Variants in TENT4B observed in about 807,000 individuals in gnomAD.
TENT4B encodes the protein PAP associated domain containing 5.
In TENT4B, 10 loss-of-function variants were observed where a neutral mutation model predicts 75.0. That is an observed-to-expected ratio of 0.13 (90% CI 0.08 to 0.23). The LOEUF (loss-of-function observed/expected upper bound fraction) is 0.23, where lower values mean the gene tolerates loss of function less well. TENT4B is among the 10% of genes least tolerant of loss of function. The pLI is 1.00. For synonymous variants in TENT4B, 350 were observed against 357.7 expected (o/e 0.98, Z 0.24); for missense variants, 579 against 893.8 (o/e 0.65, Z 4.49).
intron 1 of TENT4B, among the ~76,000 whole-genome samples, chr16:50,205,558 C>CTTTTTT (rs535651074): frequency 2.3e-5 from 1 of 43,966 alleles, no homozygotes; most frequent in African/African-American, 9.1e-5. Context: ...GTTTACATGT[C>CTTTTTT]TTTTTTTTTT....
Position 50,229,166 on chromosome 16 carries a change from G to C in TENT4B, c.1980G>C (p.Arg660Ser), listed in dbSNP as rs1266176305. Residue 660 changes from arginine (R) to serine (S), a missense_variant, in exon 12 of 12, where the codon AGG becomes AGC. Coordinates refer to ENST00000561678, the MANE Select transcript of TENT4B (RefSeq NM_001365324.3). Reference protein sequence around the residue: ...STNKSQHGSARLFRSSSKGFQ... With the variant: ...STNKSQHGSASLFRSSSKGFQ... The stretch of plus-strand genomic sequence containing the variant: ...TGTTTCTGCAGCATGGATCAGCAAG[G>C]CTCTTTCGTTCTTCCAGCAAAGGCT... 3 of 1,613,590 alleles carry C rather than the reference G, an allele frequency of 1.9e-6. No individual in the cohort carries two copies. Among genetic ancestry groups the C allele is most frequent in the South Asian group, 1.1e-5 (1 of 90,982 alleles).
At chr16:50,208,277 G>A (rs564507064) in intron 1 of TENT4B, among the ~76,000 whole-genome samples, 19 of 152,340 alleles carry the variant, frequency 1.2e-4, no homozygotes, top group African/African-American at 4.6e-4. Flanking sequence ...GCTATTGATT[G>A]TTGAGGGTAG....
intron 5 of TENT4B, among the ~76,000 whole-genome samples, chr16:50,222,013 C>G (rs1426522836): frequency 6.6e-6 from 1 of 152,154 alleles, no homozygotes; most frequent in Non-Finnish European, 1.5e-5. Flanking sequence ...GATCTGCCCG[C>G]CTTGGTCTCC....
At chr16:50,180,781 T>A (rs2150695437) in intron 1 of TENT4B, among the ~76,000 whole-genome samples, 1 of 151,992 alleles carries the variant, frequency 6.6e-6, no homozygotes, top group East Asian at 1.9e-4. Context: ...AACTATAGGT[T>A]CCCAAACCTG....
At chr16:50,159,536 G>A (rs1010906469) in intron 1 of TENT4B, among the ~76,000 whole-genome samples, 12 of 152,056 alleles carry the variant, frequency 7.9e-5, no homozygotes, top group African/African-American at 2.4e-4. Flanking sequence ...CACCGCGCCC[G>A]GCCTCTCTCT....
rs1017225960 is a variant in TENT4B at position 50,229,634 on chromosome 16, T to C, written c.*306T>C. 2 of 1,071,016 alleles carry C rather than the reference T, an allele frequency of 1.9e-6. No homozygotes were observed. The highest frequency in any genetic ancestry group is 3.3e-5 in the African/African-American group (2 of 59,904). 66.3% of individuals were successfully genotyped at this position (1,071,016 alleles called of 1,614,324 possible). On this transcript the variant is annotated 3_prime_UTR_variant, in exon 12 of 12. Coordinates refer to ENST00000561678, the MANE Select transcript of TENT4B (RefSeq NM_001365324.3). ...GAATGTAAAATAAATATATTTCTCA[T>C]TGGCTTTATGCAGAGTTATAGGGAA...
chr16:50,154,177 G>A lies in TENT4B; in HGVS notation c.556G>A (p.Gly186Arg), dbSNP rs2037842184. Residue 186 changes from glycine to arginine, a missense_variant, in exon 1 of 12, where the codon GGG becomes AGG. This residue lies in a region of TENT4B where 253 missense variants were observed against 270.1 expected (regional missense o/e 0.94). Coordinates refer to ENST00000561678, the MANE Select transcript of TENT4B (RefSeq NM_001365324.3). The stretch of plus-strand genomic sequence containing the variant: ...GCAGCCCAGCGGAGGGCGGGCCGCG[G>A]GGGGCGGCCGAGCAGACGGCGGCGG... Reference protein sequence around the residue: ...LLQPSGGRAAGGGRADGGGVV... With the variant: ...LLQPSGGRAARGGRADGGGVV... 6.6e-7 allele frequency: 1 copy of A among 1,509,802 alleles called. No homozygotes were observed. The highest frequency in any genetic ancestry group is 2.2e-5 in the Admixed American group (1 of 45,694). The allele number at this position is 1,509,802 out of a possible 1,614,324, so 93.5% of individuals were successfully genotyped here. A position where few individuals can be genotyped will look rare whatever the true frequency, so the allele number is the denominator to read the frequency against.
At chr16:50,164,063 A>G (rs1213297991) in intron 1 of TENT4B, among the ~76,000 whole-genome samples, 1 of 152,030 alleles carries the variant, frequency 6.6e-6, no homozygotes, top group South Asian at 2.1e-4. Context: ...AGGCTGAGGC[A>G]GGAGAATCAC....
chr16:50,192,398 T>C (rs2029911248), intron 1 of TENT4B, among the ~76,000 whole-genome samples: 1 of 152,310 alleles, frequency 6.6e-6, no homozygotes, highest in South Asian at 2.1e-4. Context: ...CTAAAAACTT[T>C]AATTCTATAG....
intron 1 of TENT4B, among the ~76,000 whole-genome samples, chr16:50,177,715 G>T (rs2038336657): frequency 6.6e-6 from 1 of 151,062 alleles, no homozygotes; most frequent in Non-Finnish European, 1.5e-5. Context: ...TATTAATTTT[G>T]TTTTCAATTT....
chr16:50,216,569 C>T (rs759507974), intron 4 of TENT4B, among the ~76,000 whole-genome samples: 19 of 152,324 alleles, frequency 1.2e-4, no homozygotes, highest in Middle Eastern at 3.4e-3. Flanking sequence ...ACCTCTGCCT[C>T]CCAAAATGCT....
chr16:50,152,944 G>GCAA, upstream of TENT4B: 9 of 1,504,152 alleles, frequency 6.0e-6, 1 homozygote, highest in South Asian at 1.1e-4. Flanking sequence ...GGGGCGGGCG[G>GCAA]CAACCTCCAT....
chr16:50,154,356 A>G (rs1597211200), intron 1 of TENT4B, 97 bp downstream of exon 1: 5 of 1,341,618 alleles, frequency 3.7e-6, no homozygotes, highest in Non-Finnish European at 4.8e-6. Flanking sequence ...AGGAGCGGCC[A>G]CCCCCACGGC....
chr16:50,153,586 G>A lies in TENT4B; in HGVS notation c.-36G>A. ...GGCGGCGGCGGCGGCCCTGCGGGCG[G>A]CCGGGAGGGGCGGGGGCAGCGGCCG... On this transcript the variant is annotated 5_prime_UTR_variant, in exon 1 of 12. Coordinates refer to ENST00000561678, the MANE Select transcript of TENT4B (RefSeq NM_001365324.3). 8.2e-6 allele frequency: 8 copies of A among 978,848 alleles called. 1 individual carries two copies. The highest frequency in any genetic ancestry group is 9.7e-6 in the Non-Finnish European group (8 of 827,410). 60.6% of individuals were successfully genotyped at this position (978,848 alleles called of 1,614,324 possible). A position where few individuals can be genotyped will look rare whatever the true frequency, so the allele number is the denominator to read the frequency against.
Position 50,228,026 on chromosome 16 carries a change from A to G in TENT4B, c.1965+23A>G, listed in dbSNP as rs768457323. The G allele has an allele frequency of 1.9e-6, 3 of 1,603,328 alleles. No individual in the cohort carries two copies. In the South Asian group the frequency reaches 3.3e-5, roughly 18 times the overall value. Reference sequence around the variant, plus strand: ...CAGGTGTGTGGAACGTGGGTTTTTAATTGTTAGTATTTGATACAAAATATT... The same window carrying G: ...CAGGTGTGTGGAACGTGGGTTTTTAGTTGTTAGTATTTGATACAAAATATT... On this transcript the variant is annotated intron_variant, in intron 11 of 11. Transcript: ENST00000561678.
At chr16:50,161,242 A>G (rs912877305) in intron 1 of TENT4B, among the ~76,000 whole-genome samples, 1 of 152,232 alleles carries the variant, frequency 6.6e-6, no homozygotes, top group Non-Finnish European at 1.5e-5. Context: ...TTAATTTGGA[A>G]TCACACAGCA....
At chr16:50,224,842 C>G in intron 8 of TENT4B, 49 bp from the exon 9 acceptor site, 1 of 1,611,724 alleles carries the variant, frequency 6.2e-7, no homozygotes, top group Non-Finnish European at 8.5e-7. Flanking sequence ...TTCTTATCTT[C>G]AAATTAATGT....
At chr16:50,219,102 G>T (rs977331307) in intron 5 of TENT4B, among the ~76,000 whole-genome samples, 17 of 152,140 alleles carry the variant, frequency 1.1e-4, no homozygotes, top group Non-Finnish European at 2.2e-4. Flanking sequence ...GGGTGTGTGT[G>T]TGTGTGTCTG....
intron 10 of TENT4B, 136 bp downstream of exon 10, chr16:50,225,421 T>C: frequency 1.1e-6 from 1 of 889,950 alleles, no homozygotes; most frequent in Non-Finnish European, 1.6e-6. Flanking sequence ...TTCATGCTTG[T>C]ACATTTTCTC....
Sources: allele counts gnomAD v4.1 joint callset (sites outside exome capture counted in the v4.1 genomes callset), GRCh38; gene constraint gnomAD v4.1.1; regional missense constraint gnomAD v4.1.1; transcripts MANE v1.5; gene names NCBI Gene and HGNC (gene_info 2026-07-23, HGNC 2026-07-21).